FAT3: variants seen among roughly 807,000 people sequenced by gnomAD.
FAT3 encodes the protein FAT atypical cadherin 3.
FAT3 carries 95 observed loss-of-function variants against 310.2 expected under a neutral mutation model. The ratio of observed to expected loss-of-function variants is 0.31; its 90% confidence interval spans 0.26 to 0.36. The LOEUF (loss-of-function observed/expected upper bound fraction) is 0.36, where lower values mean the gene tolerates loss of function less well. Ranked by LOEUF, FAT3 falls within the 10% of genes least tolerant of loss-of-function variation. FAT3 has a pLI of 1.00. For synonymous variants in FAT3, 2,314 were observed against 2,192.9 expected (o/e 1.06, Z -1.54); for missense variants, 5,408 against 5,715.6 (o/e 0.95, Z 1.74).
chr11:92,432,717 C>T (rs1404649897), intron 2 of FAT3, among the ~76,000 whole-genome samples: 1 of 152,148 alleles, frequency 6.6e-6, no homozygotes, highest in African/African-American at 2.4e-5. Context: ...GGCACGGGGT[C>T]AGGGACCCAC....
At chr11:92,768,677 G>T (rs1158376685) in intron 6 of FAT3, among the ~76,000 whole-genome samples, 3 of 152,144 alleles carry the variant, frequency 2.0e-5, no homozygotes, top group Non-Finnish European at 4.4e-5. Flanking sequence ...ACATACAGAG[G>T]AAAGAGGGAA....
At chr11:92,280,440 A>G (rs1000518184) in intron 1 of FAT3, among the ~76,000 whole-genome samples, 12 of 152,218 alleles carry the variant, frequency 7.9e-5, no homozygotes, top group African/African-American at 2.7e-4. Context: ...ATTAATGGGA[A>G]TGAAAATGTT....
chr11:92,825,641 G>T (rs548665569), intron 13 of FAT3, among the ~76,000 whole-genome samples: 2 of 152,078 alleles, frequency 1.3e-5, no homozygotes, highest in Non-Finnish European at 2.9e-5. Context: ...TGGAAAGGGG[G>T]GTTGGGACCA....
chr11:92,254,810 T>C (rs1305311247), intron 1 of FAT3, among the ~76,000 whole-genome samples: 1 of 151,224 alleles, frequency 6.6e-6, no homozygotes, highest in African/African-American at 2.4e-5. Context: ...GGTTGAAGAG[T>C]TTCTCCTGCC....
At chr11:92,307,973 G>A (rs1217399853) in intron 1 of FAT3, among the ~76,000 whole-genome samples, 2 of 152,010 alleles carry the variant, frequency 1.3e-5, no homozygotes, top group East Asian at 1.9e-4. Context: ...TTATCAGAGG[G>A]ATTTTTTTTT....
At chr11:92,277,498 A>C (rs1193148049) in intron 1 of FAT3, among the ~76,000 whole-genome samples, 1 of 152,190 alleles carries the variant, frequency 6.6e-6, no homozygotes, top group African/African-American at 2.4e-5. Context: ...GGAAATGTGC[A>C]TACACACCTT....
At chr11:92,780,907 A>G (rs552476524) in intron 7 of FAT3, among the ~76,000 whole-genome samples, 1 of 152,228 alleles carries the variant, frequency 6.6e-6, no homozygotes, top group Non-Finnish European at 1.5e-5. Flanking sequence ...TTCCCCATAC[A>G]TCTGCCAAAT....
At chr11:92,872,758 G>A (rs974734143) in intron 22 of FAT3, among the ~76,000 whole-genome samples, 1 of 152,166 alleles carries the variant, frequency 6.6e-6, no homozygotes, top group East Asian at 1.9e-4. Context: ...CTTTCCTAGG[G>A]AAAAAGTCTC....
chr11:92,880,171 G>A (rs1949640429), intron 22 of FAT3, among the ~76,000 whole-genome samples: 1 of 151,174 alleles, frequency 6.6e-6, no homozygotes, highest in African/African-American at 2.4e-5. Context: ...ATCGGACCAG[G>A]GGAGCTGGGC....
chr11:92,288,678 C>T (rs573910086), intron 1 of FAT3, among the ~76,000 whole-genome samples: 3 of 152,208 alleles, frequency 2.0e-5, no homozygotes, highest in African/African-American at 4.8e-5. Context: ...GCCTATCTTG[C>T]TTGCCTTCCC....
chr11:92,736,315 C>G (rs1042410553), intron 4 of FAT3, among the ~76,000 whole-genome samples: 8 of 152,052 alleles, frequency 5.3e-5, no homozygotes, highest in African/African-American at 1.9e-4. Context: ...CATTCCTGAC[C>G]CCAGCCTTCC....
intron 2 of FAT3, chr11:92,366,365 A>G (rs1449795167): frequency 1.2e-5 from 3 of 246,964 alleles, no homozygotes; most frequent in Non-Finnish European, 2.4e-5. Flanking sequence ...GGAGCCACTG[A>G]TCCCCATCTG....
chr11:92,588,420 C>A (rs1939260667), intron 3 of FAT3, among the ~76,000 whole-genome samples: 1 of 151,826 alleles, frequency 6.6e-6, no homozygotes, highest in Non-Finnish European at 1.5e-5. Flanking sequence ...TTGGCAGTGA[C>A]CTCATTGATT....
At chr11:92,556,746 C>T (rs1363399048) in intron 3 of FAT3, among the ~76,000 whole-genome samples, 1 of 152,138 alleles carries the variant, frequency 6.6e-6, no homozygotes, top group Non-Finnish European at 1.5e-5. Context: ...TCTTTTTAGG[C>T]TGCCAAGCCC....
At chr11:92,737,952 C>T (rs930977527) in intron 4 of FAT3, among the ~76,000 whole-genome samples, 4 of 152,076 alleles carry the variant, frequency 2.6e-5, no homozygotes, top group African/African-American at 7.2e-5. Flanking sequence ...ATACAGCTAC[C>T]GATTTTTCAT....
At position 92,801,304 on chromosome 11, in the gene FAT3, C is replaced by T. The variant is rs146983576; in HGVS notation, c.8291C>T (p.Thr2764Ile). Residue 2764 changes from threonine (T) to isoleucine (I), a missense_variant, in exon 10 of 28, where the codon ACT (threonine) becomes ATT (isoleucine). Coordinates refer to ENST00000525166, the MANE Select transcript of FAT3 (RefSeq NM_001367949.2). ...GIFVIEQETG[T>I]IKLDKRLDRE... The stretch of plus-strand genomic sequence containing the variant: ...TTCGTCATAGAACAGGAAACAGGCA[C>T]TATTAAGCTTGACAAACGCCTTGAC... 6.2e-7 allele frequency: 1 copy of T among 1,613,948 alleles called. No homozygotes were observed. The highest frequency in any genetic ancestry group is 8.5e-7 in the Non-Finnish European group (1 of 1,179,874).
intron 13 of FAT3, among the ~76,000 whole-genome samples, chr11:92,816,641 A>C (rs1224076184): frequency 6.6e-6 from 1 of 152,294 alleles, no homozygotes; most frequent in Non-Finnish European, 1.5e-5. Flanking sequence ...GAGCAGGGAA[A>C]GTTAGCCTCA....
At chr11:92,834,801 C>T in intron 14 of FAT3, 69 bp from the exon 15 acceptor site, 1 of 1,307,786 alleles carries the variant, frequency 7.6e-7, no homozygotes, top group South Asian at 1.5e-5. Flanking sequence ...GAAATATTAC[C>T]ATGATTATAG....
At chr11:92,378,995 T>A (rs1229451236) in intron 2 of FAT3, among the ~76,000 whole-genome samples, 1 of 152,168 alleles carries the variant, frequency 6.6e-6, no homozygotes, top group Non-Finnish European at 1.5e-5. Flanking sequence ...GGGTTACGAA[T>A]TCAACATAGG....
Sources: gnomAD v4.1 joint callset for allele counts (sites outside exome capture counted in the v4.1 genomes callset) on GRCh38, gnomAD v4.1.1 for gene constraint, MANE v1.5 for transcripts, NCBI Gene and HGNC (gene_info 2026-07-23, HGNC 2026-07-21) for gene names.